PDCD2: variants seen among roughly 807,000 people sequenced by gnomAD.
PDCD2 encodes the protein programmed cell death 2, also known as uS5 assembly chaperone PDCD2.
PDCD2 carries 38 observed loss-of-function variants against 38.1 expected under a neutral mutation model. The ratio of observed to expected loss-of-function variants is 1.00; its 90% confidence interval spans 0.77 to 1.31. PDCD2 has a LOEUF of 1.31. PDCD2 is among the 50% of genes most tolerant of loss of function. The pLI is 0.00. For synonymous variants in PDCD2, 205 were observed against 168.9 expected (o/e 1.21, Z -1.66); for missense variants, 473 against 435.7 (o/e 1.09, Z -0.76).
Position 170,584,546 on chromosome 6 carries a change from GC to G in PDCD2, c.35del (p.Gly12AlafsTer130). 2 of 1,358,852 alleles carry G rather than the reference GC, an allele frequency of 1.5e-6. No individual in the cohort carries two copies. Among genetic ancestry groups the G allele is most frequent in the Middle Eastern group, 2.7e-4 (1 of 3,658 alleles). 84.2% of individuals were successfully genotyped at this position (1,358,852 alleles called of 1,614,324 possible). ...GCCACGCCGGCGCCGACTCGGCGAA[GC>G]CCAGCTCCACAGGCCTGGCCCCGGC... is the stretch of plus-strand genomic sequence containing the variant. Reference protein sequence around the residue: ...AAAGARPVELGFAESAPAWRL... With the variant: ...AAAGARPVELXFAESAPAWRL... On this transcript the variant is annotated frameshift_variant, in exon 1 of 6. Coordinates refer to ENST00000541970, the MANE Select transcript of PDCD2 (RefSeq NM_002598.4). LOFTEE classifies it high-confidence loss of function.
intron 3 of PDCD2, chr6:170,581,940 A>G (rs1180430805): frequency 4.2e-6 from 2 of 474,360 alleles, no homozygotes; most frequent in African/African-American, 4.0e-5. Flanking sequence ...TTTACTCCAT[A>G]ATCTTAAAAT....
chr6:170,580,847 C>A (rs543574537), intron 3 of PDCD2, among the ~76,000 whole-genome samples: 51 of 152,288 alleles, frequency 3.3e-4, no homozygotes, highest in African/African-American at 1.2e-3. Flanking sequence ...TAAAATAGAA[C>A]TGATATACCT....
At position 170,584,392 on chromosome 6, in the gene PDCD2, C is replaced by T; in HGVS notation, c.190G>A (p.Val64Met). ...GGGCGGCCAGGCAGCGGCGCATACACCTGCAGCAGGAAGGAGAGCGGGCGG... is the reference window on the plus strand; with the variant it reads ...GGGCGGCCAGGCAGCGGCGCATACATCTGCAGCAGGAAGGAGAGCGGGCGG... ...CGRPLSFLLQ[V>M]YAPLPGRPDA... Residue 64 changes from valine (V) to methionine (M), a missense_variant, in exon 1 of 6, where the codon GTG (valine) becomes ATG (methionine). Val to Met is a conservative substitution (Grantham distance 21). Coordinates refer to ENST00000541970, the MANE Select transcript of PDCD2 (RefSeq NM_002598.4). 1.4e-6 allele frequency: 2 copies of T among 1,457,790 alleles called. 1 individual carries two copies. The highest frequency in any genetic ancestry group is 2.9e-5 in the South Asian group (2 of 70,066). The allele number at this position is 1,457,790 out of a possible 1,614,324, so 90.3% of individuals were successfully genotyped here.
Position 170,583,715 on chromosome 6 carries a change from A to T in PDCD2, c.316T>A (p.Phe106Ile). 6.2e-7 allele frequency: 1 copy of T among 1,613,378 alleles called. No homozygotes were observed. Among genetic ancestry groups the T allele is most frequent in the South Asian group, 1.1e-5 (1 of 90,996 alleles). The change falls in exon 2 of 6, where the codon TTT becomes ATT. Residue 106 changes from phenylalanine to isoleucine, a missense_variant. Phe to Ile is a conservative substitution (Grantham distance 21). Transcript: ENST00000541970. ...TCAGAAGGTGGCTCATATGAGTAAA[A>T]ATCGTTTTTCCTGGGTAGTTGATTC... ...FRNQLPRKND[F>I]YSYEPPSENP...
chr6:170,582,067 T>C (rs1779622518), intron 3 of PDCD2: 6 of 1,477,922 alleles, frequency 4.1e-6, no homozygotes, highest in Non-Finnish European at 5.4e-6. Context: ...ATTTTCATTA[T>C]GTATCATGTT....
At chr6:170,579,194 A>T in intron 4 of PDCD2, 1 of 499,908 alleles carries the variant, frequency 2.0e-6, no homozygotes, top group Non-Finnish European at 3.5e-6. Context: ...AGGGCATCAA[A>T]ATATATCTCC....
intron 3 of PDCD2, chr6:170,581,616 T>A (rs1327318954): frequency 6.5e-6 from 1 of 154,668 alleles, no homozygotes; most frequent in African/African-American, 2.4e-5. Flanking sequence ...TAGAGAGAAA[T>A]GGTACGTAGA....
intron 5 of PDCD2, 42 bp downstream of exon 5, chr6:170,578,815 C>T (rs776243399): frequency 3.3e-6 from 4 of 1,213,618 alleles, no homozygotes; most frequent in Non-Finnish European, 2.5e-6. Flanking sequence ...TAAAAACAAT[C>T]ATGGTGATTA....
At chr6:170,578,789 T>A in intron 5 of PDCD2, 68 bp downstream of exon 5, 1 of 992,308 alleles carries the variant, frequency 1.0e-6, no homozygotes, top group Non-Finnish European at 1.6e-6. Flanking sequence ...ATTACCTTGG[T>A]GAAGTTTTTA....
rs1562370674 is a variant in PDCD2, at chr6:170,583,737, AT to A, written c.293del (p.Asn98IlefsTer44). On this transcript the variant is annotated frameshift_variant, in exon 2 of 6. Coordinates refer to ENST00000541970, the MANE Select transcript of PDCD2 (RefSeq NM_002598.4). LOFTEE classifies it high-confidence loss of function. The part of the protein sequence containing the change: ...PCCAGLRVFR[N>X]QLPRKNDFYS... ...AAAAATCGTTTTTCCTGGGTAGTTGATTCCTAAAAACTAAAAAAGAATACAG... is the reference window on the plus strand; with the variant it reads ...AAAAATCGTTTTTCCTGGGTAGTTGATCCTAAAAACTAAAAAAGAATACAG... 6.2e-7 allele frequency: 1 copy of A among 1,608,590 alleles called. No homozygotes were observed. Among genetic ancestry groups the A allele is most frequent in the Non-Finnish European group, 8.5e-7 (1 of 1,176,236 alleles).
chr6:170,579,124 G>T (rs1779525614), intron 4 of PDCD2, 154 bp from the exon 5 acceptor site: 1 of 572,146 alleles, frequency 1.7e-6, no homozygotes, highest in South Asian at 2.4e-5. Context: ...GGCTGTACCA[G>T]TGTGCCACTA....
intron 2 of PDCD2, 148 bp downstream of exon 2, chr6:170,583,356 CT>C (rs370825740): frequency 0.2 from 142,811 of 712,092 alleles, no homozygotes; most frequent in East Asian, 0.25. Flanking sequence ...ACTTCACAGC[CT>C]TTTTTTTTTT....
chr6:170,584,628 G>A lies in PDCD2; in HGVS notation c.-47C>T. On this transcript the variant is annotated 5_prime_UTR_variant, in exon 1 of 6. Transcript: ENST00000541970. Reference sequence around the variant, plus strand: ...GGCGCAGCCCACAGCTGGGTCGGAAGGCGGAAATCGGGCGCCGGGCCGGAA... The same window carrying A: ...GGCGCAGCCCACAGCTGGGTCGGAAAGCGGAAATCGGGCGCCGGGCCGGAA... The A allele has an allele frequency of 8.9e-7, 1 of 1,123,566 alleles. No individual in the cohort carries two copies. The highest frequency in any genetic ancestry group is 1.6e-5 in the African/African-American group (1 of 61,592). The allele number at this position is 1,123,566 out of a possible 1,614,324, so 69.6% of individuals were successfully genotyped here. A position where few individuals can be genotyped will look rare whatever the true frequency, so the allele number is the denominator to read the frequency against.
rs749267353 is a variant in PDCD2, at chr6:170,583,657, C to A, written c.374G>T (p.Cys125Phe). Residue 125 changes from cysteine (C) to phenylalanine (F), a missense_variant, in exon 2 of 6, where the codon TGT (cysteine) becomes TTT (phenylalanine). Transcript: ENST00000541970. ...NPPPETGESVCLQLKSGAHLC... is the reference protein window; with the variant it reads ...NPPPETGESVFLQLKSGAHLC... ...ATGAGCACCAGACTTAAGCTGGAGA[C>A]ACACTGATTCTCCTGTTTCTGGGGG... is the stretch of plus-strand genomic sequence containing the variant. The A allele has an allele frequency of 6.2e-7, 1 of 1,613,998 alleles. No individual in the cohort carries two copies. The highest frequency in any genetic ancestry group is 8.5e-7 in the Non-Finnish European group (1 of 1,179,870).
chr6:170,584,350 A>T lies in PDCD2; in HGVS notation c.232T>A (p.Cys78Ser), dbSNP rs751128316. The change falls in exon 1 of 6, where the codon TGC becomes AGC. Residue 78 changes from cysteine to serine, a missense_variant. By Grantham distance (112) the Cys-to-Ser change is moderately radical. Coordinates refer to ENST00000541970, the MANE Select transcript of PDCD2 (RefSeq NM_002598.4). ...LPGRPDAFHR[C>S]IFLFCCREQP... The stretch of plus-strand genomic sequence containing the variant: ...TCGCGGCAGCAGAAGAGGAAGATGC[A>T]GCGGTGGAAGGCGTCCGGGCGGCCA... 6.7e-7 allele frequency: 1 copy of T among 1,499,126 alleles called. No homozygotes were observed. Among genetic ancestry groups the T allele is most frequent in the Non-Finnish European group, 8.9e-7 (1 of 1,129,910 alleles). 92.9% of individuals were successfully genotyped at this position (1,499,126 alleles called of 1,614,324 possible). A position where few individuals can be genotyped will look rare whatever the true frequency, so the allele number is the denominator to read the frequency against.
chr6:170,584,015 C>T, intron 1 of PDCD2: 2 of 545,852 alleles, frequency 3.7e-6, no homozygotes, highest in East Asian at 6.2e-5. Context: ...TGGGATCCAT[C>T]TTTCCAAGAC....
rs1321140115 is a variant in PDCD2, at chr6:170,575,507, A to T, written c.*2052T>A. 1 of 152,212 alleles carries T rather than the reference A, an allele frequency of 6.6e-6. No homozygotes were observed. The highest frequency in any genetic ancestry group is 1.5e-5 in the Non-Finnish European group (1 of 68,026). The allele number at this position is 152,212 out of a possible 1,614,324, so 9.4% of individuals were successfully genotyped here. A position where few individuals can be genotyped will look rare whatever the true frequency, so the allele number is the denominator to read the frequency against. ...ATGCATGGACTGGCACCGTCTGTGGAGCCATGATTATGTAGGTGAGACTTG... is the reference window on the plus strand; with the variant it reads ...ATGCATGGACTGGCACCGTCTGTGGTGCCATGATTATGTAGGTGAGACTTG... On this transcript the variant is annotated 3_prime_UTR_variant, in exon 6 of 6. Transcript: ENST00000541970.
chr6:170,584,465 G>GCCCAGCCATGCCGGCCGCC lies in PDCD2; in HGVS notation c.98_116dup (p.Leu43MetfsTer61). The GCCCAGCCATGCCGGCCGCC allele has an allele frequency of 7.6e-7, 1 of 1,309,868 alleles. No individual in the cohort carries two copies. The highest frequency in any genetic ancestry group is 9.6e-7 in the Non-Finnish European group (1 of 1,037,250). The allele number at this position is 1,309,868 out of a possible 1,614,324, so 81.1% of individuals were successfully genotyped here. ...CCTGGGGCCCCGGCAGCCCGGCCGC[G>GCCCAGCCATGCCGGCCGCC]CCCAGCCATGCCGGCCGCCCGCCCA... is the stretch of plus-strand genomic sequence containing the variant. On this transcript the variant is annotated frameshift_variant, in exon 1 of 6. Transcript: ENST00000541970. LOFTEE classifies it high-confidence loss of function.
intron 4 of PDCD2, 21 bp downstream of exon 4, chr6:170,579,981 G>T: frequency 8.6e-7 from 1 of 1,161,782 alleles, no homozygotes; most frequent in South Asian, 1.2e-5. Context: ...ACACGATGAG[G>T]AGCTATGAGC....
Sources: allele counts gnomAD v4.1 joint callset (sites outside exome capture counted in the v4.1 genomes callset), GRCh38; gene constraint gnomAD v4.1.1; transcripts MANE v1.5; gene names NCBI Gene and HGNC (gene_info 2026-07-23, HGNC 2026-07-21).